The following CAMK1D variants were observed in gnomAD, a reference collection of about 807,000 sequenced individuals.
CAMK1D encodes calcium/calmodulin dependent protein kinase ID, also known as calcium/calmodulin-dependent protein kinase type 1D.
Under a neutral mutation model 47.7 loss-of-function variants are expected in CAMK1D, and 9 were observed. The ratio of observed to expected loss-of-function variants is 0.19; its 90% confidence interval spans 0.11 to 0.33. The LOEUF (loss-of-function observed/expected upper bound fraction) is 0.33, where lower values mean the gene tolerates loss of function less well. CAMK1D is among the 10% of genes least tolerant of loss of function. CAMK1D has a pLI of 1.00. For missense variants in CAMK1D, 291 were observed against 488.7 expected, an observed-to-expected ratio of 0.60 and a Z score of 3.81; for synonymous variants, 184 against 184.9, an observed-to-expected ratio of 0.99 and a Z score of 0.04.
intron 1 of CAMK1D, among the ~76,000 whole-genome samples, chr10:12,529,386 C>A (rs548033664): frequency 1.3e-5 from 2 of 152,260 alleles, no homozygotes; most frequent in African/African-American, 4.8e-5. Flanking sequence ...CTGCCATATA[C>A]GAATGGTATG....
chr10:12,712,550 C>T (rs925794803), intron 3 of CAMK1D, among the ~76,000 whole-genome samples: 53 of 152,172 alleles, frequency 3.5e-4, no homozygotes, highest in Non-Finnish European at 5.1e-4. Context: ...GGTTTGCAGA[C>T]GGCCTCCTTC....
chr10:12,652,453 T>A (rs1003032795), intron 2 of CAMK1D, among the ~76,000 whole-genome samples: 2 of 145,732 alleles, frequency 1.4e-5, no homozygotes, highest in East Asian at 4.0e-4. Flanking sequence ...CCGGGCGTGG[T>A]GGCGGGCGCC....
intron 2 of CAMK1D, among the ~76,000 whole-genome samples, chr10:12,640,565 C>CT (rs1839637416): frequency 1.3e-5 from 2 of 152,084 alleles, no homozygotes; most frequent in African/African-American, 4.8e-5. Flanking sequence ...GCAAATGGTA[C>CT]TTTATTTTCT....
intron 1 of CAMK1D, among the ~76,000 whole-genome samples, chr10:12,544,610 A>G (rs1056951944): frequency 6.6e-6 from 1 of 152,280 alleles, no homozygotes; most frequent in African/African-American, 2.4e-5. Context: ...TTATGCCTCA[A>G]GAGAAACCTT....
At chr10:12,514,091 G>A (rs1835117542) in intron 1 of CAMK1D, among the ~76,000 whole-genome samples, 1 of 152,202 alleles carries the variant, frequency 6.6e-6, no homozygotes, top group African/African-American at 2.4e-5. Flanking sequence ...TTGCTATGAT[G>A]AGGTAATGGC....
chr10:12,466,799 G>T (rs565594517), intron 1 of CAMK1D, among the ~76,000 whole-genome samples: 2 of 152,172 alleles, frequency 1.3e-5, no homozygotes, highest in South Asian at 4.1e-4. Flanking sequence ...TTATGGGAAG[G>T]TCGTGGCGGC....
chr10:12,730,380 T>TG (rs1564521618), intron 3 of CAMK1D, among the ~76,000 whole-genome samples: 1 of 152,016 alleles, frequency 6.6e-6, no homozygotes, highest in South Asian at 2.1e-4. Flanking sequence ...AGCACCGATT[T>TG]GGGGGGAAGA....
intron 5 of CAMK1D, among the ~76,000 whole-genome samples, chr10:12,778,603 A>G (rs571306579): frequency 2.0e-5 from 3 of 152,354 alleles, no homozygotes; most frequent in African/African-American, 7.2e-5. Flanking sequence ...AAGGCTGGGC[A>G]CAGTGGCTCA....
chr10:12,356,200 C>T (rs1006289254), intron 1 of CAMK1D, among the ~76,000 whole-genome samples: 15 of 152,074 alleles, frequency 9.9e-5, no homozygotes, highest in African/African-American at 3.6e-4. Flanking sequence ...CGTGAGCCAC[C>T]TCACCTGGCC....
chr10:12,357,460 C>T (rs749464142), intron 1 of CAMK1D, among the ~76,000 whole-genome samples: 6 of 152,078 alleles, frequency 3.9e-5, no homozygotes, highest in Non-Finnish European at 8.8e-5. Flanking sequence ...GGACTACAGG[C>T]GCGTACTACC....
intron 1 of CAMK1D, among the ~76,000 whole-genome samples, chr10:12,550,328 C>T (rs1350076205): frequency 6.6e-6 from 1 of 152,180 alleles, no homozygotes; most frequent in African/African-American, 2.4e-5. Flanking sequence ...CTTGGTCTTT[C>T]CCCAGTGATT....
rs561888950 is a variant in CAMK1D at position 12,831,431 on chromosome 10, T to A, written c.*2544T>A. 1 of 152,360 alleles carries A rather than the reference T, an allele frequency of 6.6e-6. No individual in the cohort carries two copies. The highest frequency in any genetic ancestry group is 2.4e-5 in the African/African-American group (1 of 41,588). The allele number at this position is 152,360 out of a possible 1,614,324, so 9.4% of individuals were successfully genotyped here. A position where few individuals can be genotyped will look rare whatever the true frequency, so the allele number is the denominator to read the frequency against. On this transcript the variant is annotated 3_prime_UTR_variant, in exon 11 of 11. Coordinates refer to ENST00000619168, the MANE Select transcript of CAMK1D (RefSeq NM_153498.4). ...ATAGCCCTTTGTGCTGTGTGCTATA[T>A]ACAACCATTTGCATTCAGAAAGCAG... is the stretch of plus-strand genomic sequence containing the variant.
intron 2 of CAMK1D, among the ~76,000 whole-genome samples, chr10:12,571,453 C>CAAAAAAAAAAAAA (rs766454210): frequency 2.2e-5 from 2 of 89,734 alleles, no homozygotes; most frequent in Non-Finnish European, 2.1e-5. Flanking sequence ...GACTCCATCA[C>CAAAAAAAAAAAAA]AAAAAAAAAA....
chr10:12,783,767 G>A (rs1001303310), intron 5 of CAMK1D, among the ~76,000 whole-genome samples: 8 of 152,136 alleles, frequency 5.3e-5, no homozygotes, highest in Non-Finnish European at 7.3e-5. Flanking sequence ...GAGTCTTTCC[G>A]TTCGCCAGGA....
At chr10:12,533,244 G>T (rs918237523) in intron 1 of CAMK1D, among the ~76,000 whole-genome samples, 3 of 152,126 alleles carry the variant, frequency 2.0e-5, no homozygotes, top group Non-Finnish European at 4.4e-5. Context: ...TTAAAAGACT[G>T]CCCTTTCTGA....
At chr10:12,407,786 G>A (rs1839492300) in intron 1 of CAMK1D, among the ~76,000 whole-genome samples, 2 of 151,734 alleles carry the variant, frequency 1.3e-5, no homozygotes, top group African/African-American at 2.4e-5. Flanking sequence ...CTTCCCCCCC[G>A]GGAAACACAT....
At chr10:12,739,380 G>A (rs1408560104) in intron 3 of CAMK1D, among the ~76,000 whole-genome samples, 1 of 151,266 alleles carries the variant, frequency 6.6e-6, no homozygotes, top group African/African-American at 2.4e-5. Context: ...GGTTTAAGCA[G>A]TTTTCCTGCC....
chr10:12,784,963 G>A (rs943650448), intron 5 of CAMK1D, among the ~76,000 whole-genome samples: 4 of 152,166 alleles, frequency 2.6e-5, no homozygotes, highest in South Asian at 2.1e-4. Flanking sequence ...GCAGTAAAGG[G>A]ACATTGGAGG....
At chr10:12,616,042 A>C (rs1016221875) in intron 2 of CAMK1D, among the ~76,000 whole-genome samples, 4 of 149,280 alleles carry the variant, frequency 2.7e-5, no homozygotes, top group Admixed American at 6.7e-5. Flanking sequence ...TGGGTGTGTG[A>C]GTGCACGTGT....
Sources: allele counts gnomAD v4.1 joint callset (sites outside exome capture counted in the v4.1 genomes callset), GRCh38; gene constraint gnomAD v4.1.1; transcripts MANE v1.5; gene names NCBI Gene and HGNC (gene_info 2026-07-23, HGNC 2026-07-21).